The following UMODL1 variants were observed in gnomAD, a reference collection of about 807,000 sequenced individuals.
The protein encoded by UMODL1 is uromodulin-like 1.
In UMODL1, 128 loss-of-function variants were observed where a neutral mutation model predicts 136.3. The observed-to-expected ratio is 0.94, with a 90% CI of 0.81 to 1.09. UMODL1 has a LOEUF of 1.09. Among genes scored for constraint, UMODL1 ranks in the 50% least tolerant of loss-of-function variants. UMODL1 has a pLI of 0.00. For missense variants in UMODL1, 1,766 were observed against 1,725.6 expected, an observed-to-expected ratio of 1.02 and a Z score of -0.41; for synonymous variants, 721 against 720.0, an observed-to-expected ratio of 1.00 and a Z score of -0.02.
At position 42,099,129 on chromosome 21, in the gene UMODL1, A is replaced by G. The variant is rs750952943; in HGVS notation, c.1135A>G (p.Ser379Gly). The G allele has an allele frequency of 1.9e-6, 3 of 1,613,826 alleles. No homozygotes were observed. The African/African-American group carries it at 4.0e-5, about 22-fold the overall frequency. ...TGGAGTGCTGTACAGGGTGAAGACC[A>G]GCTACCAGGGGTGCGGGGCCGACGT... ...EAGVLYRVKT[S>G]YQGCGADVST... is the part of the protein sequence containing the mutation. The change falls in exon 7 of 23, where the codon AGC (serine) becomes GGC (glycine). Residue 379 changes from serine (S) to glycine (G), a missense_variant. Ser to Gly is a moderately conservative substitution (Grantham distance 56). Coordinates refer to ENST00000408910, the MANE Select transcript of UMODL1 (RefSeq NM_001004416.3). This position sits in a 1 kb window ranked among gnomAD's most constrained non-coding sequence, Gnocchi z 4.1.
At chr21:42,075,526 A>C (rs2066280504) in intron 1 of UMODL1, among the ~76,000 whole-genome samples, 1 of 152,218 alleles carries the variant, frequency 6.6e-6, no homozygotes, top group African/African-American at 2.4e-5. Context: ...TGTGGAGGGA[A>C]CTGCTGCACA....
At chr21:42,066,624 C>A (rs1434167261), upstream of UMODL1, among the ~76,000 whole-genome samples, 2 of 152,204 alleles carry the variant, frequency 1.3e-5, no homozygotes, top group African/African-American at 4.8e-5. Context: ...GCTGCAAAAC[C>A]ACCTCCTGTC....
chr21:42,110,847 C>T (rs2066810911), intron 10 of UMODL1, 33 bp from the exon 11 acceptor site: 5 of 1,557,870 alleles, frequency 3.2e-6, no homozygotes, highest in Non-Finnish European at 4.3e-6. Flanking sequence ...GGGTGGGATC[C>T]AGCAGGCTCT....
At chr21:42,089,532 T>C (rs113295644) in intron 5 of UMODL1, among the ~76,000 whole-genome samples, 5,602 of 152,324 alleles carry the variant, frequency 0.037, 105 homozygotes, top group Middle Eastern at 0.051. Flanking sequence ...TGGAGAACCA[T>C]GTGGTTTCTC....
rs1286974359 is a variant in UMODL1, at chr21:42,113,705, T to C, written c.2237T>C (p.Val746Ala). Residue 746 changes from valine (V) to alanine (A), a missense_variant, in exon 13 of 23, where the codon GTC becomes GCC. Coordinates refer to ENST00000408910, the MANE Select transcript of UMODL1 (RefSeq NM_001004416.3). ...ACTTCCATGTGGAGCCCTGCTGTGG[T>C]CCTAGAGACCTGGAACACGAGTGTG... ...TLTSMWSPAVVLETWNTSVTL... is the reference protein window; with the variant it reads ...TLTSMWSPAVALETWNTSVTL... 1 of 1,614,080 alleles carries C rather than the reference T, an allele frequency of 6.2e-7. No individual in the cohort carries two copies. The highest frequency in any genetic ancestry group is 2.2e-5 in the East Asian group (1 of 44,882).
intron 8 of UMODL1, 68 bp downstream of exon 8, chr21:42,102,346 T>TGAGGACATCAAACA: frequency 8.3e-7 from 1 of 1,200,844 alleles, no homozygotes; most frequent in Non-Finnish European, 1.2e-6. Context: ...ACACAAGCCG[T>TGAGGACATCAAACA]TAATTCCTGC....
intron 4 of UMODL1, among the ~76,000 whole-genome samples, chr21:42,087,702 G>C (rs925830765): frequency 6.6e-6 from 1 of 152,206 alleles, no homozygotes; most frequent in African/African-American, 2.4e-5. Context: ...TCTGGCTGCT[G>C]TATTAGTGTC....
chr21:42,096,461 T>C (rs1343641939), intron 6 of UMODL1, among the ~76,000 whole-genome samples: 2 of 152,220 alleles, frequency 1.3e-5, no homozygotes, highest in Non-Finnish European at 2.9e-5. Flanking sequence ...AAAGCATGCA[T>C]TGCCAGCCCC....
In UMODL1 at chr21:42,113,603, C is replaced by A; in HGVS notation, c.2135C>A (p.Ser712Tyr). 1 of 1,614,070 alleles carries A rather than the reference C, an allele frequency of 6.2e-7. No homozygotes were observed. Among genetic ancestry groups the A allele is most frequent in the Non-Finnish European group, 8.5e-7 (1 of 1,180,002 alleles). Residue 712 changes from serine to tyrosine, a missense_variant, in exon 13 of 23, where the codon TCC becomes TAC. Ser to Tyr is a moderately radical substitution (Grantham distance 144). Coordinates refer to ENST00000408910, the MANE Select transcript of UMODL1 (RefSeq NM_001004416.3). ...GTCTCCATTGGGAGGATCATGGTCTCCAATGTGACCAGCACCGGCTTCCAC... is the reference window on the plus strand; with the variant it reads ...GTCTCCATTGGGAGGATCATGGTCTACAATGTGACCAGCACCGGCTTCCAC... ...VPVSIGRIMV[S>Y]NVTSTGFHLA...
At chr21:42,131,281 G>A (rs936872064) in intron 21 of UMODL1, among the ~76,000 whole-genome samples, 1 of 151,890 alleles carries the variant, frequency 6.6e-6, no homozygotes, top group South Asian at 2.1e-4. Context: ...GTCTTTCCCT[G>A]TATGAGAACT....
At position 42,123,726 on chromosome 21, in the gene UMODL1, C is replaced by T. The variant is rs1020832093; in HGVS notation, c.3147+576C>T. Among the ~76,000 whole-genome samples the T allele has an allele frequency of 2.0e-5, 3 of 151,324 alleles. No homozygotes were observed. Among genetic ancestry groups the T allele is most frequent in the Non-Finnish European group, 4.4e-5 (3 of 67,802 alleles). On this transcript the variant is annotated intron_variant, in intron 17 of 22. Coordinates refer to ENST00000408910, the MANE Select transcript of UMODL1 (RefSeq NM_001004416.3). The surrounding 1 kb of genome is among the most constrained non-coding windows in gnomAD (Gnocchi z 4.4). ...TGAGTGTGTGAATGTGAGAATGTGTCTATGTGCATGTGTGCATGTGTGCGT... is the reference window on the plus strand; with the variant it reads ...TGAGTGTGTGAATGTGAGAATGTGTTTATGTGCATGTGTGCATGTGTGCGT...
At chr21:42,103,195 G>A (rs577269171) in intron 8 of UMODL1, 5 of 189,688 alleles carry the variant, frequency 2.6e-5, no homozygotes, top group African/African-American at 1.2e-4. Context: ...TGGAACAAAA[G>A]GGCAGTTAGT....
chr21:42,071,332 G>A lies in UMODL1; in HGVS notation c.16G>A (p.Gly6Arg). MLRTS[G>R]LALLALVSAV... ...CTGCCGGACGATGCTCAGGACCTCGGGGCTGGCACTGCTGGCTCTGGTCAG... is the reference window on the plus strand; with the variant it reads ...CTGCCGGACGATGCTCAGGACCTCGAGGCTGGCACTGCTGGCTCTGGTCAG... Residue 6 changes from glycine (G) to arginine (R), a missense_variant, in exon 1 of 23, where the codon GGG (glycine) becomes AGG (arginine). Physicochemically the swap from Gly to Arg is moderately radical, Grantham distance 125. Coordinates refer to ENST00000408910, the MANE Select transcript of UMODL1 (RefSeq NM_001004416.3). The A allele has an allele frequency of 2.5e-6, 4 of 1,595,300 alleles. No homozygotes were observed. The highest frequency in any genetic ancestry group is 3.4e-6 in the Non-Finnish European group (4 of 1,171,122).
rs1340866995 is a variant in UMODL1 at position 42,142,844 on chromosome 21, A to T, written c.*770A>T. On this transcript the variant is annotated 3_prime_UTR_variant, in exon 23 of 23. Coordinates refer to ENST00000408910, the MANE Select transcript of UMODL1 (RefSeq NM_001004416.3). The stretch of plus-strand genomic sequence containing the variant: ...ACACAATGAGAAACCAGAGGAGCCG[A>T]TGAGTTACTTAATTGAGGTCACAGA... The T allele has an allele frequency of 1.3e-5, 2 of 152,236 alleles. No individual in the cohort carries two copies. Among genetic ancestry groups the T allele is most frequent in the Non-Finnish European group, 2.9e-5 (2 of 68,050 alleles). 9.4% of individuals were successfully genotyped at this position (152,236 alleles called of 1,614,324 possible).
At chr21:42,108,555 C>T (rs543295803) in intron 9 of UMODL1, 67 of 339,794 alleles carry the variant, frequency 2.0e-4, no homozygotes, top group Non-Finnish European at 3.5e-4. Flanking sequence ...TGCATCGTGG[C>T]TTAAATTCCA....
At position 42,107,958 on chromosome 21, in the gene UMODL1, C is replaced by T. The variant is rs1487631931; in HGVS notation, c.1520-1604C>T. 3.9e-5 allele frequency among the ~76,000 whole-genome samples: 6 copies of T among 152,354 alleles called. No homozygotes were observed. The South Asian group carries it at 8.3e-4, about 21-fold the overall frequency. On this transcript the variant is annotated intron_variant, in intron 9 of 22. Transcript: ENST00000408910. The stretch of plus-strand genomic sequence containing the variant: ...GTCCTGCCCTGGGCTCTCGCTGGCT[C>T]TGCGCCCTCGCCTGGCCAGCCCGGG...
chr21:42,083,969 G>A (rs1444615877), intron 2 of UMODL1, 115 bp from the exon 3 acceptor site: 26 of 1,336,004 alleles, frequency 1.9e-5, no homozygotes, highest in Non-Finnish European at 2.7e-5. Flanking sequence ...CCCCGAACAG[G>A]CCACAGACCT....
intron 6 of UMODL1, chr21:42,094,118 C>A (rs1006058582): frequency 2.7e-6 from 1 of 377,016 alleles, no homozygotes; most frequent in East Asian, 7.3e-5. Context: ...CACACTCTGC[C>A]GTGTTGCTTG....
intron 19 of UMODL1, 28 bp downstream of exon 19, chr21:42,127,270 A>G (rs1295320530): frequency 1.3e-6 from 2 of 1,582,314 alleles, no homozygotes; most frequent in East Asian, 2.2e-5. Flanking sequence ...AGGCACCCCC[A>G]TCCAGCAATG....
Sources: allele counts gnomAD v4.1 joint callset (sites outside exome capture counted in the v4.1 genomes callset), GRCh38; gene constraint gnomAD v4.1.1; non-coding constraint Gnocchi (gnomAD v3.1); transcripts MANE v1.5; gene names NCBI Gene and HGNC (gene_info 2026-07-23, HGNC 2026-07-21).